The following GRIK4 variants were observed in gnomAD, a reference collection of about 807,000 sequenced individuals.
GRIK4 encodes the protein glutamate receptor ionotropic, kainate 4.
A neutral mutation model predicts 104.9 loss-of-function variants in GRIK4; 40 were observed. That is an observed-to-expected ratio of 0.38 (90% CI 0.30 to 0.50). GRIK4 has a LOEUF of 0.50. GRIK4 is among the 20% of genes least tolerant of loss of function. GRIK4 has a pLI of 0.93. For missense variants in GRIK4, 1,047 were observed against 1,308.1 expected, an observed-to-expected ratio of 0.80 and a Z score of 3.08; for synonymous variants, 485 against 524.9, an observed-to-expected ratio of 0.92 and a Z score of 1.04.
rs1290279769 is a variant in GRIK4 at position 120,612,358 on chromosome 11, T to C, written c.-158-41327T>C. On this transcript the variant is annotated intron_variant, in intron 1 of 20. Transcript: ENST00000527524. Reference sequence around the variant, plus strand: ...TATCTCATTGTAATGCTAGTTTTTCTCATTATCCATTCTACATTCCGTGAG... The same window carrying C: ...TATCTCATTGTAATGCTAGTTTTTCCCATTATCCATTCTACATTCCGTGAG... Among the ~76,000 whole-genome samples, 3 of 152,222 alleles carry C rather than the reference T, an allele frequency of 2.0e-5. No homozygotes were observed. The East Asian group carries it at 5.8e-4, about 29-fold the overall frequency.
intron 12 of GRIK4, 61 bp downstream of exon 12, chr11:120,898,700 C>A: frequency 1.1e-6 from 1 of 877,784 alleles, no homozygotes. Context: ...CGGCTCTGAG[C>A]ACTCACAGGC....
intron 3 of GRIK4, among the ~76,000 whole-genome samples, chr11:120,768,888 T>C (rs1193228418): frequency 6.6e-6 from 1 of 152,194 alleles, no homozygotes; most frequent in African/African-American, 2.4e-5. Flanking sequence ...CAGGCATAAA[T>C]CCAACTTGGT....
At position 120,524,453 on chromosome 11, in the gene GRIK4, G is replaced by A. The variant is rs1261444105; in HGVS notation, c.-159+12566G>A. On this transcript the variant is annotated intron_variant, in intron 1 of 20. Coordinates refer to ENST00000527524, the MANE Select transcript of GRIK4 (RefSeq NM_014619.5). The surrounding 1 kb of genome is among the most constrained non-coding windows in gnomAD (Gnocchi z 4.5). ...GATCTTAAAACACATTTCCCCTGGT[G>A]GATGACAGGACTGGTTTCTCAGGTT... Among the ~76,000 whole-genome samples the A allele has an allele frequency of 2.6e-5, 4 of 152,188 alleles. No individual in the cohort carries two copies. The highest frequency in any genetic ancestry group is 5.9e-5 in the Non-Finnish European group (4 of 68,042).
At chr11:120,843,495 C>A (rs912524432) in intron 8 of GRIK4, among the ~76,000 whole-genome samples, 2 of 152,238 alleles carry the variant, frequency 1.3e-5, no homozygotes, top group African/African-American at 4.8e-5. Flanking sequence ...AGTCCTGCTA[C>A]TAACTAGCTG....
intron 1 of GRIK4, among the ~76,000 whole-genome samples, chr11:120,634,958 G>A (rs940919312): frequency 6.6e-6 from 1 of 152,182 alleles, no homozygotes; most frequent in Non-Finnish European, 1.5e-5. Flanking sequence ...GTTGAGCTTC[G>A]CCTTGGCAGC....
At chr11:120,636,062 C>T (rs12295498) in intron 1 of GRIK4, among the ~76,000 whole-genome samples, 20,868 of 152,220 alleles carry the variant, frequency 0.14, 1,650 homozygotes, top group African/African-American at 0.18. Flanking sequence ...CTTCGTTCAA[C>T]GTTTCTGTTG....
chr11:120,814,029 G>A (rs1172465151), intron 4 of GRIK4, among the ~76,000 whole-genome samples: 3 of 152,060 alleles, frequency 2.0e-5, no homozygotes, highest in Non-Finnish European at 4.4e-5. Flanking sequence ...TAAAATCTTA[G>A]ATTCTCTCCC....
chr11:120,535,625 C>T (rs958996111), intron 1 of GRIK4, among the ~76,000 whole-genome samples: 5 of 152,084 alleles, frequency 3.3e-5, no homozygotes, highest in African/African-American at 7.2e-5. Flanking sequence ...CTCGGGATCC[C>T]GGTTCTACAT....
At chr11:120,868,530 T>TGGGGG (rs11342073) in intron 9 of GRIK4, 8 of 105,506 alleles carry the variant, frequency 7.6e-5, no homozygotes, top group African/African-American at 3.2e-4. Flanking sequence ...GGGGTGGAAA[T>TGGGGG]GGGGGGGGGG....
At chr11:120,726,653 A>G (rs60236810) in intron 3 of GRIK4, among the ~76,000 whole-genome samples, 7,407 of 152,228 alleles carry the variant, frequency 0.049, 619 homozygotes, top group African/African-American at 0.17. Context: ...GAGATGGTAT[A>G]TTTTAAGGGG....
intron 3 of GRIK4, among the ~76,000 whole-genome samples, chr11:120,785,504 G>A (rs556112629): frequency 6.6e-6 from 1 of 152,346 alleles, no homozygotes; most frequent in South Asian, 2.1e-4. Context: ...TGATGCCAGG[G>A]ACTTTACTCA....
At chr11:120,765,888 A>G (rs1341991084) in intron 3 of GRIK4, among the ~76,000 whole-genome samples, 1 of 151,994 alleles carries the variant, frequency 6.6e-6, no homozygotes, top group Non-Finnish European at 1.5e-5. Flanking sequence ...GTGTCTGTCG[A>G]CCCCTGCTGG....
At chr11:120,947,786 G>A (rs1389367029) in intron 14 of GRIK4, among the ~76,000 whole-genome samples, 2 of 152,102 alleles carry the variant, frequency 1.3e-5, no homozygotes, top group Non-Finnish European at 2.9e-5. Context: ...CTCCATTCAT[G>A]GTGCTCCTTT....
intron 3 of GRIK4, among the ~76,000 whole-genome samples, chr11:120,777,215 A>G (rs551580090): frequency 2.0e-5 from 3 of 152,300 alleles, no homozygotes; most frequent in Admixed American, 6.5e-5. Flanking sequence ...CAGCCCCCCA[A>G]TACCTCTAAC....
intron 1 of GRIK4, among the ~76,000 whole-genome samples, chr11:120,536,689 A>C (rs937347618): frequency 3.3e-5 from 5 of 152,192 alleles, no homozygotes; most frequent in African/African-American, 4.8e-5. Flanking sequence ...AAGGTGGATT[A>C]TCCAATTGAT....
intron 3 of GRIK4, among the ~76,000 whole-genome samples, chr11:120,799,597 G>A (rs373466740): frequency 2.0e-5 from 3 of 152,206 alleles, no homozygotes; most frequent in Non-Finnish European, 4.4e-5. Context: ...CTGTGAGAAC[G>A]GGCAGATCAT....
chr11:120,716,817 C>T (rs541502372), intron 3 of GRIK4, among the ~76,000 whole-genome samples: 9 of 152,230 alleles, frequency 5.9e-5, no homozygotes, highest in African/African-American at 1.7e-4. Context: ...CAGCTGCCAC[C>T]GCTCTGCTCA....
At chr11:120,729,733 T>C (rs1205987752) in intron 3 of GRIK4, among the ~76,000 whole-genome samples, 2 of 152,188 alleles carry the variant, frequency 1.3e-5, no homozygotes, top group East Asian at 3.8e-4. Flanking sequence ...TTGCTGACTG[T>C]TTCCTTTGCT....
At chr11:120,606,544 C>T (rs1001679020) in intron 1 of GRIK4, among the ~76,000 whole-genome samples, 7 of 152,218 alleles carry the variant, frequency 4.6e-5, no homozygotes, top group South Asian at 2.1e-4. Context: ...ACACTCATTC[C>T]GTCCATTCAT....
Sources: allele counts gnomAD v4.1 joint callset (sites outside exome capture counted in the v4.1 genomes callset), GRCh38; gene constraint gnomAD v4.1.1; non-coding constraint Gnocchi (gnomAD v3.1); transcripts MANE v1.5; gene names NCBI Gene and HGNC (gene_info 2026-07-23, HGNC 2026-07-21).